The following ITPR2 variants were observed in gnomAD, a reference collection of about 807,000 sequenced individuals.
The protein encoded by ITPR2 is inositol 1,4,5-trisphosphate-gated calcium channel ITPR2.
Under a neutral mutation model 317.1 loss-of-function variants are expected in ITPR2, and 207 were observed. That is an observed-to-expected ratio of 0.65 (90% CI 0.58 to 0.73). ITPR2 has a LOEUF of 0.73. ITPR2 is among the 30% of genes least tolerant of loss of function. The pLI, the probability that ITPR2 is intolerant of heterozygous loss-of-function variation, is 0.00. For synonymous variants in ITPR2, 1,156 were observed against 1,149.1 expected, an observed-to-expected ratio of 1.01 and a Z score of -0.12; for missense variants, 2,613 against 3,284.0, an observed-to-expected ratio of 0.80 and a Z score of 4.99.
At chr12:26,428,694 T>G (rs1390255116) in intron 48 of ITPR2, among the ~76,000 whole-genome samples, 1 of 152,180 alleles carries the variant, frequency 6.6e-6, no homozygotes, top group African/African-American at 2.4e-5. Flanking sequence ...AAATTCACAT[T>G]CCAAATGTCT....
At position 26,657,837 on chromosome 12, in the gene ITPR2, T is replaced by C. The variant is rs369168690; in HGVS notation, c.2062A>G (p.Ile688Val). Reference sequence around the variant, plus strand: ...TAGAGCCAAACTTCTTCATCATCAATGTCATCTGAAAGGATGGAGCTCTCC... The same window carrying C: ...TAGAGCCAAACTTCTTCATCATCAACGTCATCTGAAAGGATGGAGCTCTCC... ...PMESSILSDD[I>V]DDEEVWLYWI... Residue 688 changes from isoleucine to valine, a missense_variant, in exon 18 of 57, where the codon ATT becomes GTT. Ile to Val is a conservative substitution (Grantham distance 29). Transcript: ENST00000381340. 2.5e-6 allele frequency: 4 copies of C among 1,614,056 alleles called. No individual in the cohort carries two copies. Among genetic ancestry groups the C allele is most frequent in the Non-Finnish European group, 2.5e-6 (3 of 1,180,016 alleles).
intron 32 of ITPR2, among the ~76,000 whole-genome samples, chr12:26,592,803 C>T (rs1231222168): frequency 2.0e-5 from 3 of 152,190 alleles, no homozygotes; most frequent in East Asian, 1.9e-4. Flanking sequence ...TTATCTCATA[C>T]GTGGCTATTC....
intron 1 of ITPR2, among the ~76,000 whole-genome samples, chr12:26,802,596 GATATAGATATAGATAT>G (rs199839284): frequency 3.6e-3 from 37 of 10,260 alleles, no homozygotes; most frequent in South Asian, 0.014. Context: ...TCTATATATA[GATATAGATATAGATAT>G]ATATAGATAT....
chr12:26,442,474 C>A (rs1318407284), intron 46 of ITPR2, among the ~76,000 whole-genome samples: 1 of 152,094 alleles, frequency 6.6e-6, no homozygotes, highest in African/African-American at 2.4e-5. Flanking sequence ...CATCTCTCAC[C>A]CGCATTAACC....
At chr12:26,717,537 G>A (rs1948763086) in intron 5 of ITPR2, among the ~76,000 whole-genome samples, 1 of 152,326 alleles carries the variant, frequency 6.6e-6, no homozygotes, top group African/African-American at 2.4e-5. Context: ...GTCAGATGCT[G>A]TAACTCACAA....
chr12:26,520,910 T>C (rs544259787), intron 37 of ITPR2, among the ~76,000 whole-genome samples: 2 of 152,298 alleles, frequency 1.3e-5, no homozygotes, highest in East Asian at 3.9e-4. Flanking sequence ...GCAGAACAAG[T>C]CAGGAATCAA....
intron 39 of ITPR2, among the ~76,000 whole-genome samples, chr12:26,488,156 C>G (rs1338436657): frequency 6.6e-6 from 1 of 151,648 alleles, no homozygotes; most frequent in Non-Finnish European, 1.5e-5. Flanking sequence ...TTATTACTAC[C>G]AAGATTATGA....
At chr12:26,429,011 C>T (rs1941137766) in intron 48 of ITPR2, among the ~76,000 whole-genome samples, 1 of 152,108 alleles carries the variant, frequency 6.6e-6, no homozygotes, top group Non-Finnish European at 1.5e-5. Context: ...ATCTTTTGGC[C>T]ACACCTCTTA....
intron 36 of ITPR2, among the ~76,000 whole-genome samples, chr12:26,555,613 T>C (rs1296527015): frequency 6.6e-6 from 1 of 152,176 alleles, no homozygotes; most frequent in Non-Finnish European, 1.5e-5. Context: ...GGTAAACATA[T>C]CAGCTATAAT....
At chr12:26,572,257 A>G (rs755696020) in intron 34 of ITPR2, among the ~76,000 whole-genome samples, 1 of 152,154 alleles carries the variant, frequency 6.6e-6, no homozygotes, top group African/African-American at 2.4e-5. Flanking sequence ...CATTGTTTTG[A>G]TCTAGCCTCC....
At chr12:26,596,629 A>G (rs1945853403) in intron 31 of ITPR2, among the ~76,000 whole-genome samples, 1 of 148,390 alleles carries the variant, frequency 6.7e-6, no homozygotes, top group South Asian at 2.2e-4. Context: ...CCTGGGCAAC[A>G]GAGCAAAACT....
chr12:26,484,035 T>C, intron 41 of ITPR2, 137 bp from the exon 42 acceptor site: 2 of 705,584 alleles, frequency 2.8e-6, no homozygotes, highest in South Asian at 3.8e-5. Context: ...TGTCCTCCAC[T>C]TAAGGAGGGA....
intron 32 of ITPR2, among the ~76,000 whole-genome samples, chr12:26,587,698 C>T (rs1335994259): frequency 6.7e-6 from 1 of 149,646 alleles, no homozygotes; most frequent in Non-Finnish European, 1.5e-5. Context: ...TGACGATCAT[C>T]TTCTCCTTCT....
chr12:26,373,209 T>G (rs1396422573), intron 55 of ITPR2, among the ~76,000 whole-genome samples: 1 of 152,180 alleles, frequency 6.6e-6, no homozygotes, highest in Non-Finnish European at 1.5e-5. Context: ...CAACTTCATG[T>G]AAAGAAATAT....
Position 26,515,363 on chromosome 12 carries a change from T to C in ITPR2, c.5074-20103A>G, listed in dbSNP as rs1591846567. Among the ~76,000 whole-genome samples the C allele has an allele frequency of 2.0e-5, 3 of 152,148 alleles. No homozygotes were observed. In the East Asian group the frequency reaches 5.8e-4, roughly 29 times the overall value. On this transcript the variant is annotated intron_variant, in intron 37 of 56. Transcript: ENST00000381340. ...AAGTGTGAACATTATTTTACTTCCA[T>C]ATTTGAACAGCACCTGCTGTAATTA... is the stretch of plus-strand genomic sequence containing the variant.
intron 49 of ITPR2, 90 bp downstream of exon 49, chr12:26,427,823 A>G: frequency 1.3e-6 from 1 of 762,400 alleles, no homozygotes. Context: ...CACCATGCAT[A>G]CATGAATTAA....
chr12:26,481,598 T>A (rs984947839), intron 42 of ITPR2, among the ~76,000 whole-genome samples: 8 of 152,222 alleles, frequency 5.3e-5, no homozygotes, highest in Non-Finnish European at 7.4e-5. Context: ...AATTTTAAGA[T>A]CTGAATTATC....
intron 11 of ITPR2, among the ~76,000 whole-genome samples, chr12:26,683,654 A>T (rs1225600859): frequency 1.3e-5 from 2 of 152,226 alleles, no homozygotes; most frequent in African/African-American, 4.8e-5. Flanking sequence ...AGAAGCTCAC[A>T]GGAACCTAAC....
intron 8 of ITPR2, among the ~76,000 whole-genome samples, chr12:26,713,848 A>T (rs981170595): frequency 6.6e-6 from 1 of 152,130 alleles, no homozygotes; most frequent in African/African-American, 2.4e-5. Flanking sequence ...TTAATTATGT[A>T]TTTATTTTAG....
Sources: allele counts gnomAD v4.1 joint callset (sites outside exome capture counted in the v4.1 genomes callset), GRCh38; gene constraint gnomAD v4.1.1; transcripts MANE v1.5; gene names NCBI Gene and HGNC (gene_info 2026-07-23, HGNC 2026-07-21).